Variants in CACNA1C observed in about 807,000 individuals in gnomAD.
The protein encoded by CACNA1C is voltage-dependent L-type calcium channel subunit alpha-1C.
CACNA1C carries 30 observed loss-of-function variants against 229.0 expected under a neutral mutation model. That is an observed-to-expected ratio of 0.13 (90% CI 0.10 to 0.18). The LOEUF is 0.18. Among genes scored for constraint, CACNA1C ranks in the 10% least tolerant of loss-of-function variants. CACNA1C has a pLI of 1.00. For synonymous variants in CACNA1C, 1,114 were observed against 1,132.5 expected (o/e 0.98, Z 0.33); for missense variants, 1,658 against 2,845.0 (o/e 0.58, Z 9.49).
intron 9 of CACNA1C, among the ~76,000 whole-genome samples, chr12:2,515,747 C>T (rs1462580837): frequency 6.6e-6 from 1 of 152,262 alleles, no homozygotes; most frequent in Non-Finnish European, 1.5e-5. Context: ...TTAGGGAAAG[C>T]TGCAAAAGCC....
chr12:2,222,313 C>T (rs1317275392), intron 3 of CACNA1C: 1 of 152,174 alleles, frequency 6.6e-6, no homozygotes, highest in Non-Finnish European at 1.5e-5. Flanking sequence ...TTGAGTAAGT[C>T]ACTGGATTTG....
intron 13 of CACNA1C, among the ~76,000 whole-genome samples, chr12:2,578,012 G>A (rs1335035328): frequency 1.3e-5 from 2 of 151,480 alleles, no homozygotes; most frequent in Admixed American, 6.6e-5. Context: ...GGGACTACAG[G>A]CGCCCGCTAC....
At position 2,504,854 on chromosome 12, in the gene CACNA1C, G is replaced by C; in HGVS notation, c.1126G>C (p.Val376Leu). 1.3e-6 allele frequency: 2 copies of C among 1,582,870 alleles called. No individual in the cohort carries two copies. The highest frequency in any genetic ancestry group is 1.7e-6 in the Non-Finnish European group (2 of 1,151,892). Residue 376 changes from valine (V) to leucine (L), a missense_variant, in exon 8 of 47, where the codon GTA becomes CTA. By Grantham distance (32) the Val-to-Leu change is conservative (BLOSUM62 1). Around this residue, in one of 20 missense-constraint regions of CACNA1C, gnomAD observed 84 missense variants for 202.6 expected, o/e 0.41. Transcript: ENST00000399655. The surrounding 1 kb of genome is among the most constrained non-coding windows in gnomAD (Gnocchi z 6.8). ...TDVLYWVNDAVGRDWPWIYFV... is the reference protein window; with the variant it reads ...TDVLYWVNDALGRDWPWIYFV... ...TCCGTTCTTCCAGGTCAATGATGCC[G>C]TAGGAAGGGACTGGCCCTGGATCTA...
chr12:2,267,854 G>A (rs1273371247), intron 3 of CACNA1C, among the ~76,000 whole-genome samples: 2 of 152,156 alleles, frequency 1.3e-5, no homozygotes, highest in Non-Finnish European at 2.9e-5. Flanking sequence ...GTGATACTTG[G>A]GAAATCATGC....
chr12:2,272,697 G>A (rs111438652), intron 3 of CACNA1C, among the ~76,000 whole-genome samples: 9 of 152,286 alleles, frequency 5.9e-5, no homozygotes, highest in Non-Finnish European at 1.2e-4. Context: ...GTATTATAAT[G>A]TGGAGCTTCC....
rs1051308352 is a variant in CACNA1C, at chr12:2,034,193, C to A, written c.139+62992C>A. Among the ~76,000 whole-genome samples, 1 of 152,126 alleles carries A rather than the reference C, an allele frequency of 6.6e-6. No individual in the cohort carries two copies. The highest frequency in any genetic ancestry group is 2.4e-5 in the African/African-American group (1 of 41,424). ...TGATGAAACTGAGGCTTGAAGAGAG[C>A]GGTTCAGTGACTCGCCCAAACTCAC... On this transcript the variant is annotated intron_variant, in intron 1 of 46. Transcript: ENST00000682462. This position sits in a 1 kb window ranked among gnomAD's most constrained non-coding sequence, Gnocchi z 4.1.
At position 2,309,999 on chromosome 12, in the gene CACNA1C, C is replaced by G. The variant is rs922237128; in HGVS notation, c.478-138977C>G. 7.0e-4 allele frequency among the ~76,000 whole-genome samples: 106 copies of G among 152,308 alleles called. 1 individual carries two copies. The highest frequency in any genetic ancestry group is 2.5e-3 in the African/African-American group (105 of 41,576). On this transcript the variant is annotated intron_variant, in intron 3 of 46. Transcript: ENST00000399655. ...CAGTCTGGTAACACCCTAGTACTACCTGTAGTCAGAGACCTGGTGGCCTGG... is the reference window on the plus strand; with the variant it reads ...CAGTCTGGTAACACCCTAGTACTACGTGTAGTCAGAGACCTGGTGGCCTGG...
At chr12:2,317,813 G>A (rs141714046) in intron 3 of CACNA1C, among the ~76,000 whole-genome samples, 2 of 152,208 alleles carry the variant, frequency 1.3e-5, no homozygotes, top group African/African-American at 4.8e-5. Flanking sequence ...CACAGTCTGG[G>A]TGGAGAGGAG....
chr12:2,311,161 C>T (rs2095417567), intron 3 of CACNA1C, among the ~76,000 whole-genome samples: 1 of 152,180 alleles, frequency 6.6e-6, no homozygotes, highest in Non-Finnish European at 1.5e-5. Flanking sequence ...CCAGTGTCAC[C>T]TCATCTCTGT....
intron 1 of CACNA1C, among the ~76,000 whole-genome samples, chr12:2,068,168 G>A (rs542048486): frequency 6.6e-6 from 1 of 152,286 alleles, no homozygotes; most frequent in South Asian, 2.1e-4. Flanking sequence ...GAAAGGATGT[G>A]AGTCTTTGAT....
intron 3 of CACNA1C, among the ~76,000 whole-genome samples, chr12:2,185,782 G>C (rs958604072): frequency 3.9e-5 from 6 of 152,278 alleles, no homozygotes; most frequent in Admixed American, 3.9e-4. Flanking sequence ...ACTGCCTCCT[G>C]CCCTGTCTGT....
intron 3 of CACNA1C, among the ~76,000 whole-genome samples, chr12:2,225,395 C>T (rs1334427631): frequency 6.6e-6 from 1 of 152,144 alleles, no homozygotes; most frequent in African/African-American, 2.4e-5. Flanking sequence ...AAATAATTAA[C>T]AAGCACCAAT....
chr12:2,160,489 G>GT, intron 3 of CACNA1C, among the ~76,000 whole-genome samples: 1 of 152,184 alleles, frequency 6.6e-6, no homozygotes, highest in Non-Finnish European at 1.5e-5. Flanking sequence ...GTTCCCTGTT[G>GT]TTTCCACTTT....
chr12:2,185,848 G>A (rs558049147), intron 3 of CACNA1C, among the ~76,000 whole-genome samples: 13 of 152,272 alleles, frequency 8.5e-5, no homozygotes, highest in Admixed American at 2.6e-4. Flanking sequence ...CCTGCACCAC[G>A]TGTCTTTGCC....
At chr12:2,333,548 G>A (rs1300472399) in intron 3 of CACNA1C, among the ~76,000 whole-genome samples, 1 of 152,212 alleles carries the variant, frequency 6.6e-6, no homozygotes, top group Non-Finnish European at 1.5e-5. Flanking sequence ...CTGTGCATAG[G>A]AAGCATGACC....
At chr12:2,553,637 G>A (rs540249620) in intron 10 of CACNA1C, among the ~76,000 whole-genome samples, 6 of 152,346 alleles carry the variant, frequency 3.9e-5, no homozygotes, top group South Asian at 2.1e-4. Flanking sequence ...AAGAGACAGC[G>A]GCGTGTCCCA....
Position 2,053,866 on chromosome 12 carries a change from G to C in CACNA1C, c.49+255G>C, listed in dbSNP as rs11062092. Reference sequence around the variant, plus strand: ...AGCTTCTCCAGAGCATGTGTTTCCTGTGAAATTCCAGGCGAGGGGGGAAAA... The same window carrying C: ...AGCTTCTCCAGAGCATGTGTTTCCTCTGAAATTCCAGGCGAGGGGGGAAAA... On this transcript the variant is annotated intron_variant, in intron 1 of 46. Coordinates refer to ENST00000399655, the MANE Select transcript of CACNA1C (RefSeq NM_000719.7). This position sits in a 1 kb window ranked among gnomAD's most constrained non-coding sequence, Gnocchi z 5.8. 6.6e-6 allele frequency among the ~76,000 whole-genome samples: 1 copy of C among 150,436 alleles called. No individual in the cohort carries two copies. Among genetic ancestry groups the C allele is most frequent in the Non-Finnish European group, 1.5e-5 (1 of 67,428 alleles).
rs529834104 is a variant in CACNA1C at position 2,067,129 on chromosome 12, C to T, written c.49+13518C>T. On this transcript the variant is annotated intron_variant, in intron 1 of 46. Transcript: ENST00000399655. The surrounding 1 kb of genome is among the most constrained non-coding windows in gnomAD (Gnocchi z 5.3). Reference sequence around the variant, plus strand: ...AAAGTGAGACAGCTGCTGACTAGGTCTGGGGGCAAAGGGTTCTAGCTCTGT... The same window carrying T: ...AAAGTGAGACAGCTGCTGACTAGGTTTGGGGGCAAAGGGTTCTAGCTCTGT... 8.5e-5 allele frequency among the ~76,000 whole-genome samples: 13 copies of T among 152,218 alleles called. No homozygotes were observed. Among genetic ancestry groups the T allele is most frequent in the African/African-American group, 2.9e-4 (12 of 41,538 alleles).
chr12:2,546,528 T>G (rs926478754), intron 9 of CACNA1C, among the ~76,000 whole-genome samples: 3 of 152,100 alleles, frequency 2.0e-5, no homozygotes, highest in Non-Finnish European at 4.4e-5. Flanking sequence ...TTCACACTCT[T>G]CCGTGCAGTA....
Sources: allele counts gnomAD v4.1 joint callset (sites outside exome capture counted in the v4.1 genomes callset), GRCh38; gene constraint gnomAD v4.1.1; regional missense constraint gnomAD v4.1.1; non-coding constraint Gnocchi (gnomAD v3.1); transcripts MANE v1.5; gene names NCBI Gene and HGNC (gene_info 2026-07-23, HGNC 2026-07-21).